ZGRF1: variants seen among roughly 807,000 people sequenced by gnomAD.
The protein encoded by ZGRF1 is 5'-3' DNA helicase ZGRF1.
A neutral mutation model predicts 203.5 loss-of-function variants in ZGRF1; 196 were observed. The observed-to-expected ratio is 0.96, with a 90% CI of 0.86 to 1.08. ZGRF1 has a LOEUF of 1.08. ZGRF1 is among the 50% of genes least tolerant of loss of function. The probability of loss-of-function intolerance (pLI) is 0.00; values close to 1 mark genes in which losing one functional copy is unlikely to be tolerated. For missense variants in ZGRF1, 2,326 were observed against 2,416.3 expected, an observed-to-expected ratio of 0.96 and a Z score of 0.78; for synonymous variants, 809 against 841.3, an observed-to-expected ratio of 0.96 and a Z score of 0.66.
chr4:112,609,803 C>T (rs192905688), intron 7 of ZGRF1, among the ~76,000 whole-genome samples: 32 of 147,052 alleles, frequency 2.2e-4, no homozygotes, highest in African/African-American at 7.3e-4. Context: ...CATCTCAAAA[C>T]GAAGAAAAAA....
rs748696347 is a variant in ZGRF1 at position 112,618,927 on chromosome 4, A to G, written c.1115T>C (p.Ile372Thr). The G allele has an allele frequency of 3.1e-6, 5 of 1,613,968 alleles. No homozygotes were observed. Among genetic ancestry groups the G allele is most frequent in the African/African-American group, 2.7e-5 (2 of 75,048 alleles). ...TTCAGCATACGTTTCAACGAACTGT[A>G]TAATTTTTTGTAATGAAAGGTCTTT... ...NLKDLSLQKI[I>T]QFVETYAEER... Residue 372 changes from isoleucine (I) to threonine (T), a missense_variant, in exon 6 of 28, where the codon ATA becomes ACA. Coordinates refer to ENST00000505019, the MANE Select transcript of ZGRF1 (RefSeq NM_018392.5).
chr4:112,619,943 C>G (rs1017468137), intron 5 of ZGRF1, 59 bp downstream of exon 5: 19 of 1,358,618 alleles, frequency 1.4e-5, no homozygotes, highest in Non-Finnish European at 1.8e-5. Flanking sequence ...AAATTCACTA[C>G]TTTTCGAGAC....
At chr4:112,569,488 T>C (rs550020492) in intron 16 of ZGRF1, among the ~76,000 whole-genome samples, 14 of 152,270 alleles carry the variant, frequency 9.2e-5, no homozygotes, top group Admixed American at 5.9e-4. Context: ...CTACAGACTC[T>C]ACCTTGAGTA....
chr4:112,585,750 A>T, intron 13 of ZGRF1, 25 bp from the exon 14 acceptor site: 2 of 1,495,720 alleles, frequency 1.3e-6, no homozygotes, highest in Non-Finnish European at 1.8e-6. Flanking sequence ...AAAAGAGAGC[A>T]GAAAATTAAA....
chr4:112,613,744 G>A (rs1298982290), intron 6 of ZGRF1, among the ~76,000 whole-genome samples: 1 of 152,082 alleles, frequency 6.6e-6, no homozygotes, highest in Non-Finnish European at 1.5e-5. Flanking sequence ...GGCTAGTTTT[G>A]CCACCTTATC....
chr4:112,628,787 C>G, intron 3 of ZGRF1: 1 of 441,314 alleles, frequency 2.3e-6, no homozygotes, highest in Non-Finnish European at 4.5e-6. Flanking sequence ...GAAGACAACA[C>G]AAAGGATATG....
chr4:112,621,546 G>A (rs1220605108), intron 4 of ZGRF1, among the ~76,000 whole-genome samples: 4 of 151,148 alleles, frequency 2.6e-5, no homozygotes, highest in Non-Finnish European at 4.4e-5. Context: ...CCAGCCACTC[G>A]GGAGGCTGAG....
rs1337323008 is a variant in ZGRF1 at position 112,619,496 on chromosome 4, G to A, written c.546C>T (p.Tyr182=). The A allele has an allele frequency of 6.2e-7, 1 of 1,613,252 alleles. No individual in the cohort carries two copies. Among genetic ancestry groups the A allele is most frequent in the East Asian group, 2.2e-5 (1 of 44,876 alleles). Residue 182 remains tyrosine (Y), a synonymous_variant, in exon 6 of 28, where the codon TAC becomes TAT. Transcript: ENST00000505019. ...CCATGGCATTTCTCTCCCTGTTCTT[G>A]TAAGTCACAATGTTCTCAGGGTCTG... ...ILADPENIVT[Y]KNRERNAMDF...
In ZGRF1 at chr4:112,618,641, T is replaced by A; in HGVS notation, c.1401A>T (p.Thr467=). 5 of 1,613,348 alleles carry A rather than the reference T, an allele frequency of 3.1e-6. No homozygotes were observed. The highest frequency in any genetic ancestry group is 4.2e-6 in the Non-Finnish European group (5 of 1,179,658). Residue 467 remains threonine (T), a synonymous_variant, in exon 6 of 28, where the codon ACA becomes ACT. Transcript: ENST00000505019. ...ENAQEVNTCG[T]LEKEYEQSES... ...CTGATTGTTCATACTCCTTTTCCAG[T>A]GTTCCACATGTATTTACCTCCTGAG...
At chr4:112,582,081 T>C (rs1385909537) in intron 15 of ZGRF1, among the ~76,000 whole-genome samples, 1 of 152,188 alleles carries the variant, frequency 6.6e-6, no homozygotes, top group Non-Finnish European at 1.5e-5. Flanking sequence ...TATTGGTATA[T>C]AATAGTTACA....
chr4:112,604,137 T>G (rs777895281), intron 9 of ZGRF1, among the ~76,000 whole-genome samples: 35 of 151,980 alleles, frequency 2.3e-4, no homozygotes, highest in Middle Eastern at 3.4e-3. Context: ...GGCCGGAGAA[T>G]TGCTTGAACC....
At chr4:112,563,052 G>C in intron 17 of ZGRF1, 79 bp downstream of exon 17, 1 of 1,264,836 alleles carries the variant, frequency 7.9e-7, no homozygotes, top group Non-Finnish European at 1.1e-6. Flanking sequence ...GGTCCTTTTT[G>C]TTGGCTTTAA....
intron 10 of ZGRF1, among the ~76,000 whole-genome samples, chr4:112,593,742 G>A (rs570261169): frequency 1.6e-4 from 24 of 152,200 alleles, no homozygotes; most frequent in African/African-American, 5.1e-4. Flanking sequence ...GCCAATGCTG[G>A]AGAAGCCCTC....
chr4:112,620,888 C>G (rs1053080025), intron 4 of ZGRF1, among the ~76,000 whole-genome samples: 1 of 151,288 alleles, frequency 6.6e-6, no homozygotes, highest in Non-Finnish European at 1.5e-5. Flanking sequence ...AAAAATTAGC[C>G]AGGCATGGTG....
At chr4:112,631,401 G>A (rs901891742) in intron 3 of ZGRF1, among the ~76,000 whole-genome samples, 1 of 152,096 alleles carries the variant, frequency 6.6e-6, no homozygotes, top group South Asian at 2.1e-4. Context: ...CGGGGGCAGT[G>A]GCTCACTCCT....
chr4:112,554,372 A>G lies in ZGRF1; in HGVS notation c.5198+333T>C, dbSNP rs186747717. Among the ~76,000 whole-genome samples, 146 of 152,206 alleles carry G rather than the reference A, an allele frequency of 9.6e-4. 1 individual carries two copies. Among genetic ancestry groups the G allele is most frequent in the Non-Finnish European group, 1.6e-3 (106 of 67,996 alleles). ...GTATATACCCAAAGGATTATAAATC[A>G]TGCACACGTATGTTTATTGCGGCAG... On this transcript the variant is annotated intron_variant, in intron 21 of 27. Transcript: ENST00000505019.
intron 9 of ZGRF1, chr4:112,605,750 C>T: frequency 2.5e-6 from 1 of 405,542 alleles, no homozygotes; most frequent in South Asian, 2.7e-5. Context: ...TGTGTCCAAC[C>T]CCTAGAGTAT....
At chr4:112,554,670 A>C in intron 21 of ZGRF1, 35 bp downstream of exon 21, 1 of 1,055,602 alleles carries the variant, frequency 9.5e-7, no homozygotes, top group Non-Finnish European at 1.4e-6. Context: ...CTTCCCTCTG[A>C]CCATTCTGTG....
chr4:112,561,252 C>G (rs1029356153), intron 18 of ZGRF1: 4 of 422,612 alleles, frequency 9.5e-6, no homozygotes, highest in Non-Finnish European at 1.7e-5. Flanking sequence ...TTGATGAAAT[C>G]TTCACAACAA....
Sources: allele counts gnomAD v4.1 joint callset (sites outside exome capture counted in the v4.1 genomes callset), GRCh38; gene constraint gnomAD v4.1.1; transcripts MANE v1.5; gene names NCBI Gene and HGNC (gene_info 2026-07-23, HGNC 2026-07-21).